LPP: variants seen among roughly 807,000 people sequenced by gnomAD.
LPP encodes the protein LIM domain containing preferred translocation partner in lipoma.
Under a neutral mutation model 60.4 loss-of-function variants are expected in LPP, and 38 were observed. The observed-to-expected ratio is 0.63, with a 90% CI of 0.49 to 0.83. The LOEUF (loss-of-function observed/expected upper bound fraction) is 0.83, where lower values mean the gene tolerates loss of function less well. LPP is among the 40% of genes least tolerant of loss of function. LPP has a pLI of 0.00. For synonymous variants in LPP, 328 were observed against 290.8 expected, an observed-to-expected ratio of 1.13 and a Z score of -1.30; for missense variants, 902 against 783.6, an observed-to-expected ratio of 1.15 and a Z score of -1.80.
At chr3:188,811,446 A>G (rs1401426761) in intron 9 of LPP, among the ~76,000 whole-genome samples, 1 of 152,032 alleles carries the variant, frequency 6.6e-6, no homozygotes, top group Non-Finnish European at 1.5e-5. Context: ...ATAAAAGCAT[A>G]TTGGAGAAGA....
intron 7 of LPP, among the ~76,000 whole-genome samples, chr3:188,634,261 T>C: frequency 6.6e-6 from 1 of 152,238 alleles, no homozygotes; most frequent in East Asian, 1.9e-4. Context: ...CTTAAAGCTA[T>C]TATTTTTCTC....
chr3:188,298,662 A>G (rs1748723406), intron 2 of LPP, among the ~76,000 whole-genome samples: 1 of 152,166 alleles, frequency 6.6e-6, no homozygotes, highest in Non-Finnish European at 1.5e-5. Flanking sequence ...CATTTAATCC[A>G]TCGGTATGAG....
chr3:188,535,735 T>C (rs1199609181), intron 6 of LPP, among the ~76,000 whole-genome samples: 1 of 152,228 alleles, frequency 6.6e-6, no homozygotes, highest in African/African-American at 2.4e-5. Flanking sequence ...GAAGATGATG[T>C]TATCATGAGG....
chr3:188,393,065 A>T (rs1319831147), intron 3 of LPP, among the ~76,000 whole-genome samples: 1 of 151,382 alleles, frequency 6.6e-6, no homozygotes, highest in African/African-American at 2.4e-5. Flanking sequence ...GAATCAGGCA[A>T]CATATTGTCC....
intron 9 of LPP, among the ~76,000 whole-genome samples, chr3:188,807,916 G>A (rs555532001): frequency 2.9e-4 from 44 of 152,180 alleles, no homozygotes; most frequent in Non-Finnish European, 5.3e-4. Flanking sequence ...GGTATGCCAG[G>A]TAAGTTTTTG....
At chr3:188,275,023 T>C (rs1739168906) in intron 2 of LPP, among the ~76,000 whole-genome samples, 1 of 152,210 alleles carries the variant, frequency 6.6e-6, no homozygotes, top group Non-Finnish European at 1.5e-5. Flanking sequence ...CTAAATCCTG[T>C]CCCCTTCTCC....
chr3:188,482,166 G>A (rs750294783), intron 4 of LPP, among the ~76,000 whole-genome samples: 1 of 152,168 alleles, frequency 6.6e-6, no homozygotes, highest in Non-Finnish European at 1.5e-5. Flanking sequence ...TGCCGTGATT[G>A]TAACTTTCCT....
intron 9 of LPP, among the ~76,000 whole-genome samples, chr3:188,810,962 A>G (rs1577706381): frequency 6.6e-6 from 1 of 152,134 alleles, no homozygotes; most frequent in African/African-American, 2.4e-5. Flanking sequence ...GACAACAAGG[A>G]ATGCTTCTAT....
chr3:188,585,486 TCTGACAG>T (rs1374865737), intron 6 of LPP, among the ~76,000 whole-genome samples: 7 of 152,188 alleles, frequency 4.6e-5, no homozygotes, highest in Non-Finnish European at 8.8e-5. Context: ...TTCTCACAAC[TCTGACAG>T]CACTGCCCCC....
intron 6 of LPP, among the ~76,000 whole-genome samples, chr3:188,571,439 G>C (rs1417664619): frequency 6.8e-6 from 1 of 147,254 alleles, no homozygotes; most frequent in Non-Finnish European, 1.5e-5. Context: ...AAAAAAAAAA[G>C]AACCCCTGAG....
Position 188,610,528 on chromosome 3 carries a change from T to C in LPP, c.1113+684T>C, listed in dbSNP as rs1287563070. Among the ~76,000 whole-genome samples, 1 of 152,246 alleles carries C rather than the reference T, an allele frequency of 6.6e-6. No individual in the cohort carries two copies. Among genetic ancestry groups the C allele is most frequent in the Non-Finnish European group, 1.5e-5 (1 of 68,044 alleles). On this transcript the variant is annotated intron_variant, in intron 7 of 11. Coordinates refer to ENST00000617246, the MANE Select transcript of LPP (RefSeq NM_001375462.1). This position sits in a 1 kb window ranked among gnomAD's most constrained non-coding sequence, Gnocchi z 4.4. Reference sequence around the variant, plus strand: ...ACCCCTTGTTTATTCATTTTACTAATCCTCCAGAAAGAATCTTATTCTTCA... The same window carrying C: ...ACCCCTTGTTTATTCATTTTACTAACCCTCCAGAAAGAATCTTATTCTTCA...
At position 188,492,376 on chromosome 3, in the gene LPP, G is replaced by C. The variant is rs963403554; in HGVS notation, c.306+7672G>C. Among the ~76,000 whole-genome samples the C allele has an allele frequency of 4.6e-5, 7 of 152,202 alleles. 1 individual carries two copies. The South Asian group carries it at 1.0e-3, about 23-fold the overall frequency. On this transcript the variant is annotated intron_variant, in intron 5 of 11. Coordinates refer to ENST00000617246, the MANE Select transcript of LPP (RefSeq NM_001375462.1). ...TTTTTTTATTTTAACTTACAAAAAA[G>C]TAGTGGGTCTTTTTCTACTTATAAG...
At chr3:188,429,916 A>C (rs943753364) in intron 4 of LPP, among the ~76,000 whole-genome samples, 1 of 152,200 alleles carries the variant, frequency 6.6e-6, no homozygotes, top group African/African-American at 2.4e-5. Flanking sequence ...ACACCATGTC[A>C]GGCTTCCTTA....
rs115194883 is a variant in LPP at position 188,751,280 on chromosome 3, A to C, written c.1241-8833A>C. Among the ~76,000 whole-genome samples the C allele has an allele frequency of 7.3e-3, 1,115 of 152,332 alleles. 16 individuals are homozygous for C. Among genetic ancestry groups the C allele is most frequent in the African/African-American group, 0.026 (1,074 of 41,582 alleles). ...TACCCTTTGAGTGGACCTAAGGGAA[A>C]TGCAGATTCCCACGGGAGAGATCAC... is the stretch of plus-strand genomic sequence containing the variant. On this transcript the variant is annotated intron_variant, in intron 8 of 11. Transcript: ENST00000617246.
intron 6 of LPP, among the ~76,000 whole-genome samples, chr3:188,532,906 T>A (rs2150297330): frequency 6.6e-6 from 1 of 152,296 alleles, no homozygotes; most frequent in Admixed American, 6.5e-5. Context: ...ATGCTGTTCA[T>A]CCTATAAACG....
chr3:188,801,506 G>A (rs756203951), intron 9 of LPP, among the ~76,000 whole-genome samples: 65 of 152,154 alleles, frequency 4.3e-4, no homozygotes, highest in Non-Finnish European at 1.6e-4. Context: ...CATAGATGAT[G>A]CATTTATCTG....
intron 9 of LPP, among the ~76,000 whole-genome samples, 153 bp downstream of exon 9, chr3:188,760,435 T>TGTGCGCGC (rs777127864): frequency 6.6e-5 from 10 of 151,080 alleles, no homozygotes; most frequent in African/African-American, 2.2e-4. Context: ...TGTGTGTGTG[T>TGTGCGCGC]GCGTGCGCGC....
chr3:188,295,096 G>A (rs1386756194), intron 2 of LPP, among the ~76,000 whole-genome samples: 1 of 152,224 alleles, frequency 6.6e-6, no homozygotes, highest in Non-Finnish European at 1.5e-5. Context: ...TGTAGAGGCT[G>A]AAGGAGAGCT....
chr3:188,699,342 G>A (rs1863913604), intron 7 of LPP, among the ~76,000 whole-genome samples: 1 of 152,174 alleles, frequency 6.6e-6, no homozygotes. Context: ...CCCCTGACTG[G>A]ATGCCCAGGC....
Sources: gnomAD v4.1 joint callset for allele counts (sites outside exome capture counted in the v4.1 genomes callset) on GRCh38, gnomAD v4.1.1 for gene constraint, Gnocchi (gnomAD v3.1) non-coding constraint, MANE v1.5 for transcripts, NCBI Gene and HGNC (gene_info 2026-07-23, HGNC 2026-07-21) for gene names.